Variants in DOCK4 observed in about 807,000 individuals in gnomAD.
The protein encoded by DOCK4 is dedicator of cytokinesis 4.
In DOCK4, 97 loss-of-function variants were observed where a neutral mutation model predicts 268.1. The observed-to-expected ratio is 0.36, with a 90% confidence interval of 0.31 to 0.43. The LOEUF is 0.43. Among genes scored for constraint, DOCK4 ranks in the 20% least tolerant of loss-of-function variants. The pLI, the probability that DOCK4 is intolerant of heterozygous loss-of-function variation, is 1.00. For missense variants in DOCK4, 2,145 were observed against 2,455.7 expected (o/e 0.87, Z 2.67); for synonymous variants, 954 against 887.2 (o/e 1.08, Z -1.34).
At position 111,911,735 on chromosome 7, in the gene DOCK4, A is replaced by G. The variant is rs564040502; in HGVS notation, c.1192+4044T>C. Reference sequence around the variant, plus strand: ...GTGTCATCTTGCTTTATATTTTTCAATTTCTCCATGATACTGCCCAGAGAC... The same window carrying G: ...GTGTCATCTTGCTTTATATTTTTCAGTTTCTCCATGATACTGCCCAGAGAC... On this transcript the variant is annotated intron_variant, in intron 13 of 52. Transcript: ENST00000428084. Among the ~76,000 whole-genome samples the G allele has an allele frequency of 2.6e-5, 4 of 152,248 alleles. No homozygotes were observed. The South Asian group carries it at 6.2e-4, about 24-fold the overall frequency.
At chr7:112,152,915 A>T (rs1816241167) in intron 1 of DOCK4, among the ~76,000 whole-genome samples, 1 of 152,236 alleles carries the variant, frequency 6.6e-6, no homozygotes, top group African/African-American at 2.4e-5. Context: ...GTAAATGTAT[A>T]ATCTATCATG....
intron 35 of DOCK4, among the ~76,000 whole-genome samples, chr7:111,780,070 A>G (rs996153529): frequency 6.6e-6 from 1 of 152,190 alleles, no homozygotes; most frequent in African/African-American, 2.4e-5. Context: ...TTTAAAGCTG[A>G]TTAGTAGACA....
intron 42 of DOCK4, among the ~76,000 whole-genome samples, chr7:111,747,840 A>G (rs1055355728): frequency 3.3e-5 from 5 of 152,120 alleles, no homozygotes; most frequent in African/African-American, 1.2e-4. Flanking sequence ...ACAAAGCACC[A>G]TGGGAGATAT....
In DOCK4 at chr7:111,872,085, G is replaced by A. The variant is rs1178372256; in HGVS notation, c.1932C>T (p.His644=). Residue 644 remains histidine, a synonymous_variant, in exon 20 of 53, where the codon CAC becomes CAT. Coordinates refer to ENST00000428084, the MANE Select transcript of DOCK4 (RefSeq NM_001363540.2). ...YGSKVFDSLV[H]IINLLQDSKF... ...TGCTATCTTGCAGCAAATTTATTAT[G>A]TGAACCTAAAAAAAGAAAATTGAGC... The A allele has an allele frequency of 6.5e-7, 1 of 1,534,492 alleles. No individual in the cohort carries two copies. The highest frequency in any genetic ancestry group is 8.8e-7 in the Non-Finnish European group (1 of 1,141,856).
At chr7:112,205,047 T>C (rs931653687) in intron 1 of DOCK4, among the ~76,000 whole-genome samples, 1 of 152,038 alleles carries the variant, frequency 6.6e-6, no homozygotes. Context: ...CCTGGCTTCT[T>C]AATAGTCTCA....
At chr7:112,100,298 A>G (rs259305) in intron 1 of DOCK4, among the ~76,000 whole-genome samples, 40,952 of 152,198 alleles carry the variant, frequency 0.27, 7,049 homozygotes, top group Non-Finnish European at 0.39. Context: ...CTGTTTTGAG[A>G]TCTCTGGCAC....
chr7:111,815,757 T>C (rs1801498276), intron 27 of DOCK4, among the ~76,000 whole-genome samples: 1 of 150,460 alleles, frequency 6.6e-6, no homozygotes, highest in African/African-American at 2.4e-5. Flanking sequence ...CTGCAACCTC[T>C]GCCTCCCACA....
intron 1 of DOCK4, among the ~76,000 whole-genome samples, chr7:112,114,907 A>G (rs1017196598): frequency 2.6e-5 from 4 of 152,184 alleles, no homozygotes; most frequent in Non-Finnish European, 5.9e-5. Context: ...TTATCATGAA[A>G]ATAATTTTGC....
chr7:112,117,998 T>A (rs1475029871), intron 1 of DOCK4, among the ~76,000 whole-genome samples: 2 of 152,048 alleles, frequency 1.3e-5, no homozygotes, highest in African/African-American at 4.8e-5. Flanking sequence ...GGCCTCCTCC[T>A]CCAGAGCCAG....
At chr7:111,912,705 A>T (rs1374364443) in intron 13 of DOCK4, among the ~76,000 whole-genome samples, 1 of 152,104 alleles carries the variant, frequency 6.6e-6, no homozygotes, top group African/African-American at 2.4e-5. Context: ...AGAAAATAAG[A>T]GGTCCAGACA....
intron 1 of DOCK4, among the ~76,000 whole-genome samples, chr7:112,128,869 C>T (rs1813530152): frequency 6.6e-6 from 1 of 151,960 alleles, no homozygotes; most frequent in Non-Finnish European, 1.5e-5. Flanking sequence ...TCCTATGACC[C>T]TGCCAAATCC....
intron 25 of DOCK4, among the ~76,000 whole-genome samples, chr7:111,840,229 T>C (rs1803574673): frequency 6.6e-6 from 1 of 152,214 alleles, no homozygotes; most frequent in Non-Finnish European, 1.5e-5. Flanking sequence ...TTTCCACATA[T>C]TTCTTACAGA....
At chr7:112,093,268 C>T (rs1261127814) in intron 1 of DOCK4, among the ~76,000 whole-genome samples, 1 of 152,102 alleles carries the variant, frequency 6.6e-6, no homozygotes, top group Non-Finnish European at 1.5e-5. Flanking sequence ...GCCCACATTC[C>T]CACCTCCCAT....
intron 26 of DOCK4, among the ~76,000 whole-genome samples, chr7:111,829,632 T>C (rs111824231): frequency 0.01 from 1,585 of 152,306 alleles, 31 homozygotes; most frequent in African/African-American, 0.036. Flanking sequence ...AAATGTTTGT[T>C]GAGTCAACAA....
intron 25 of DOCK4, among the ~76,000 whole-genome samples, chr7:111,841,934 T>C (rs1226326758): frequency 2.0e-5 from 3 of 152,232 alleles, no homozygotes; most frequent in Non-Finnish European, 2.9e-5. Flanking sequence ...TTAAAAAGTG[T>C]TTTAGCTTCT....
intron 26 of DOCK4, among the ~76,000 whole-genome samples, chr7:111,825,901 T>A (rs1802352203): frequency 6.6e-6 from 1 of 152,214 alleles, no homozygotes. Flanking sequence ...TTGTTATGAT[T>A]TTAGAAATGA....
chr7:111,832,225 C>T lies in DOCK4; in HGVS notation c.2835+2363G>A, dbSNP rs144937155. On this transcript the variant is annotated intron_variant, in intron 26 of 52. Transcript: ENST00000428084. ...AGCCAAATATATATCTAGCACACTC[C>T]TACTAACCTCAGTTCTCAGCTGAGA... 5.9e-3 allele frequency among the ~76,000 whole-genome samples: 905 copies of T among 152,272 alleles called. 9 individuals carry two copies. The highest frequency in any genetic ancestry group is 0.021 in the African/African-American group (870 of 41,544).
intron 1 of DOCK4, among the ~76,000 whole-genome samples, chr7:112,019,425 G>T (rs1444510987): frequency 6.6e-6 from 1 of 152,114 alleles, no homozygotes; most frequent in Non-Finnish European, 1.5e-5. Flanking sequence ...CTAACAAATA[G>T]TTATAACTAT....
intron 1 of DOCK4, among the ~76,000 whole-genome samples, chr7:112,026,147 C>T (rs181189341): frequency 6.6e-6 from 1 of 152,352 alleles, no homozygotes; most frequent in African/African-American, 2.4e-5. Flanking sequence ...GGTCCCCAGC[C>T]CCCAGGCCAT....
Sources: allele counts gnomAD v4.1 joint callset (sites outside exome capture counted in the v4.1 genomes callset), GRCh38; gene constraint gnomAD v4.1.1; transcripts MANE v1.5; gene names NCBI Gene and HGNC (gene_info 2026-07-23, HGNC 2026-07-21).